The following RYR3 variants were observed in gnomAD, a reference collection of about 807,000 sequenced individuals.
RYR3 encodes brain ryanodine receptor-calcium release channel.
A neutral mutation model predicts 584.3 loss-of-function variants in RYR3; 207 were observed. The observed-to-expected ratio is 0.35, with a 90% CI of 0.32 to 0.40. The LOEUF (loss-of-function observed/expected upper bound fraction) is 0.40, where lower values mean the gene tolerates loss of function less well. Ranked by LOEUF, RYR3 falls within the 10% of genes least tolerant of loss-of-function variation. RYR3 has a pLI of 1.00. For missense variants in RYR3, 5,616 were observed against 6,089.2 expected (o/e 0.92, Z 2.59); for synonymous variants, 2,416 against 2,248.5 (o/e 1.07, Z -2.11).
intron 1 of RYR3, chr15:33,465,716 G>A: frequency 1.9e-6 from 1 of 519,080 alleles, no homozygotes; most frequent in South Asian, 1.4e-5. Flanking sequence ...GATTACAATA[G>A]TTGTGACAAG....
intron 1 of RYR3, among the ~76,000 whole-genome samples, chr15:33,451,321 C>T (rs1947802540): frequency 1.3e-5 from 2 of 152,172 alleles, no homozygotes; most frequent in Admixed American, 6.5e-5. Flanking sequence ...CCCTTCCCCA[C>T]TTATCTTTCA....
intron 3 of RYR3, among the ~76,000 whole-genome samples, chr15:33,506,739 C>G (rs1192634592): frequency 6.6e-6 from 1 of 152,178 alleles, no homozygotes; most frequent in African/African-American, 2.4e-5. Flanking sequence ...CGTCTGGGCT[C>G]TTAGTCTTTC....
rs182702947 is a variant in RYR3, at chr15:33,857,534, C to G, written c.14008-246C>G. Reference sequence around the variant, plus strand: ...CTCAGCATATGAATTTGAAGGGACACAATTCAGCCCCCAACACCCCATCAT... The same window carrying G: ...CTCAGCATATGAATTTGAAGGGACAGAATTCAGCCCCCAACACCCCATCAT... On this transcript the variant is annotated intron_variant, in intron 98 of 103. Coordinates refer to ENST00000634891, the MANE Select transcript of RYR3 (RefSeq NM_001036.6). Among the ~76,000 whole-genome samples, 306 of 152,214 alleles carry G rather than the reference C, an allele frequency of 2.0e-3. 1 individual carries two copies. The highest frequency in any genetic ancestry group is 3.4e-3 in the Non-Finnish European group (234 of 68,004).
intron 43 of RYR3, among the ~76,000 whole-genome samples, chr15:33,707,637 C>T (rs1444378865): frequency 6.6e-6 from 1 of 152,160 alleles, no homozygotes; most frequent in Non-Finnish European, 1.5e-5. Flanking sequence ...AAGTGGGGTA[C>T]TTTCTTGAAA....
At chr15:33,428,303 A>G (rs1372568916) in intron 1 of RYR3, among the ~76,000 whole-genome samples, 1 of 152,232 alleles carries the variant, frequency 6.6e-6, no homozygotes, top group Non-Finnish European at 1.5e-5. Context: ...ACATTCAGTT[A>G]TTGATGACAG....
intron 5 of RYR3, among the ~76,000 whole-genome samples, chr15:33,537,108 A>G (rs1414565270): frequency 6.6e-6 from 1 of 152,248 alleles, no homozygotes; most frequent in Non-Finnish European, 1.5e-5. Flanking sequence ...CTGACCAGGT[A>G]ATTTATTGTA....
intron 102 of RYR3, among the ~76,000 whole-genome samples, chr15:33,862,396 G>A (rs60091659): frequency 0.043 from 6,541 of 151,862 alleles, 414 homozygotes; most frequent in African/African-American, 0.13. Context: ...TGGTAGAGAA[G>A]GGGCTTTGCT....
In RYR3 at chr15:33,644,301, T is replaced by A. The variant is rs2061982639; in HGVS notation, c.3557-10T>A. 2 of 1,603,540 alleles carry A rather than the reference T, an allele frequency of 1.2e-6. No homozygotes were observed. Among genetic ancestry groups the A allele is most frequent in the East Asian group, 4.5e-5 (2 of 44,570 alleles). ...TCGGGCTAAAGCAGGTCTCTCTAAC[T>A]CTTCTGCAGGCTTCGTGCCCATCTG... On this transcript the variant is annotated splice_polypyrimidine_tract_variant and intron_variant, in intron 27 of 103. Transcript: ENST00000634891.
chr15:33,713,029 T>C (rs940904752), intron 43 of RYR3, among the ~76,000 whole-genome samples: 3 of 152,188 alleles, frequency 2.0e-5, no homozygotes, highest in Non-Finnish European at 2.9e-5. Context: ...ATGGGAAAAC[T>C]GTAATAAACA....
chr15:33,426,269 C>T (rs1459009752), intron 1 of RYR3, among the ~76,000 whole-genome samples: 1 of 152,120 alleles, frequency 6.6e-6, no homozygotes, highest in Non-Finnish European at 1.5e-5. Context: ...TTTGAAATTA[C>T]TGAGTTGAAA....
chr15:33,360,131 C>T (rs1974557348), intron 1 of RYR3, among the ~76,000 whole-genome samples: 1 of 152,076 alleles, frequency 6.6e-6, no homozygotes, highest in Non-Finnish European at 1.5e-5. Flanking sequence ...TGGCGGTGCT[C>T]CATATAAATA....
At chr15:33,451,972 A>T (rs2047166167) in intron 1 of RYR3, among the ~76,000 whole-genome samples, 2 of 152,250 alleles carry the variant, frequency 1.3e-5, no homozygotes. Flanking sequence ...ATTAAATCAC[A>T]ATCACAGACT....
intron 98 of RYR3, chr15:33,856,243 AG>A (rs1456835362): frequency 6.6e-6 from 1 of 152,084 alleles, no homozygotes; most frequent in Non-Finnish European, 1.5e-5. Flanking sequence ...CTGCTCTCCA[AG>A]GTTTGAGTCA....
intron 14 of RYR3, among the ~76,000 whole-genome samples, chr15:33,584,079 A>C (rs1354330778): frequency 6.6e-6 from 1 of 152,000 alleles, no homozygotes; most frequent in Non-Finnish European, 1.5e-5. Context: ...AAACAAAAAA[A>C]ACTTAAAAAT....
intron 12 of RYR3, among the ~76,000 whole-genome samples, chr15:33,572,866 G>C (rs9806564): frequency 0.8 from 121,172 of 152,056 alleles, 48,646 homozygotes; most frequent in Middle Eastern, 0.91. Flanking sequence ...GCCAGCTACT[G>C]AGGAGGCTAA....
chr15:33,419,333 G>A (rs2044060500), intron 1 of RYR3, among the ~76,000 whole-genome samples: 1 of 152,116 alleles, frequency 6.6e-6, no homozygotes, highest in South Asian at 2.1e-4. Flanking sequence ...AGAGGTGTCA[G>A]TCCAGTTCCT....
At chr15:33,674,130 G>A (rs2064014703) in intron 38 of RYR3, among the ~76,000 whole-genome samples, 1 of 152,172 alleles carries the variant, frequency 6.6e-6, no homozygotes, top group African/African-American at 2.4e-5. Context: ...TCACTGAACA[G>A]CCTAGGAGCC....
intron 16 of RYR3, among the ~76,000 whole-genome samples, chr15:33,586,470 A>G (rs748127237): frequency 1.3e-5 from 2 of 152,174 alleles, no homozygotes; most frequent in Non-Finnish European, 2.9e-5. Flanking sequence ...ACAGCTTATA[A>G]CAAGCTGTAT....
chr15:33,589,910 G>A (rs141688739), intron 16 of RYR3, among the ~76,000 whole-genome samples: 1,581 of 152,258 alleles, frequency 0.01, 32 homozygotes, highest in African/African-American at 0.035. Flanking sequence ...ATGTGTGTCC[G>A]TGTGAAGAGA....
Sources: allele counts gnomAD v4.1 joint callset (sites outside exome capture counted in the v4.1 genomes callset), GRCh38; gene constraint gnomAD v4.1.1; transcripts MANE v1.5; gene names NCBI Gene and HGNC (gene_info 2026-07-23, HGNC 2026-07-21).